Variants in C2CD3 observed in about 807,000 individuals in gnomAD.
C2CD3 encodes the protein C2 domain containing 3 centriole elongation regulator, also known as C2 domain-containing protein 3.
Under a neutral mutation model 234.0 loss-of-function variants are expected in C2CD3, and 148 were observed. That is an observed-to-expected ratio of 0.63 (90% CI 0.55 to 0.72). The LOEUF is 0.72. Among genes scored for constraint, C2CD3 ranks in the 30% least tolerant of loss-of-function variants. The pLI is 0.00. For synonymous variants in C2CD3, 1,000 were observed against 1,035.4 expected, an observed-to-expected ratio of 0.97 and a Z score of 0.66; for missense variants, 2,577 against 2,811.5, an observed-to-expected ratio of 0.92 and a Z score of 1.89.
chr11:74,081,340 G>T (rs1053875329), intron 22 of C2CD3, among the ~76,000 whole-genome samples: 1 of 152,014 alleles, frequency 6.6e-6, no homozygotes, highest in Non-Finnish European at 1.5e-5. Context: ...TATTTTGGGG[G>T]GCATTTATCC....
chr11:74,059,815 A>G (rs532053569), intron 24 of C2CD3, among the ~76,000 whole-genome samples: 2 of 152,122 alleles, frequency 1.3e-5, no homozygotes, highest in East Asian at 3.9e-4. Flanking sequence ...GGAACAGGGC[A>G]GGGCATTGCC....
intron 32 of C2CD3, among the ~76,000 whole-genome samples, chr11:74,021,890 C>G (rs1157319907): frequency 6.6e-6 from 1 of 152,176 alleles, no homozygotes. Flanking sequence ...TTTTGGGAAG[C>G]TGAGGCGGGC....
rs147914041 is a variant in C2CD3 at position 74,060,753 on chromosome 11, C to T, written c.4952-3209G>A. The stretch of plus-strand genomic sequence containing the variant: ...ACACAGCTCTTCGCCAGCAACGGAA[C>T]AAAGTTGGACGGAGAATGACTTTGA... On this transcript the variant is annotated intron_variant, in intron 24 of 32. Transcript: ENST00000334126. Among the ~76,000 whole-genome samples the T allele has an allele frequency of 5.1e-3, 774 of 152,302 alleles. 16 individuals carry two copies. Among genetic ancestry groups the T allele is most frequent in the East Asian group, 0.042 (217 of 5,184 alleles).
At chr11:74,087,422 G>T (rs1466517208) in intron 20 of C2CD3, among the ~76,000 whole-genome samples, 1 of 151,972 alleles carries the variant, frequency 6.6e-6, no homozygotes, top group Non-Finnish European at 1.5e-5. Flanking sequence ...AAACTTAGCC[G>T]GGCGTGGTGG....
chr11:74,153,591 T>C (rs78976255), intron 3 of C2CD3, among the ~76,000 whole-genome samples: 1 of 152,114 alleles, frequency 6.6e-6, no homozygotes, highest in Non-Finnish European at 1.5e-5. Flanking sequence ...ATTGGAAGAC[T>C]CAATATTGCT....
chr11:74,159,183 C>T (rs1182511461), intron 3 of C2CD3, among the ~76,000 whole-genome samples: 1 of 152,164 alleles, frequency 6.6e-6, no homozygotes, highest in Non-Finnish European at 1.5e-5. Flanking sequence ...CAAACCTGCA[C>T]TGCCAGTATA....
chr11:74,134,811 G>A (rs1265956664), intron 5 of C2CD3, among the ~76,000 whole-genome samples: 1 of 152,002 alleles, frequency 6.6e-6, no homozygotes, highest in African/African-American at 2.4e-5. Context: ...CTACAGCCTC[G>A]AACTTCCAGG....
chr11:74,090,244 A>G (rs758462870), intron 20 of C2CD3, among the ~76,000 whole-genome samples: 4 of 152,170 alleles, frequency 2.6e-5, no homozygotes, highest in Non-Finnish European at 5.9e-5. Context: ...AAGATCAAAC[A>G]TAGGCCAGGT....
At chr11:74,139,061 G>C in intron 4 of C2CD3, 94 bp from the exon 5 acceptor site, 1 of 1,120,976 alleles carries the variant, frequency 8.9e-7, no homozygotes, top group Non-Finnish European at 1.3e-6. Context: ...AGTGGTTTTG[G>C]CAAGGTAGTT....
At chr11:74,037,781 C>T in intron 29 of C2CD3, 83 bp from the exon 30 acceptor site, 3 of 1,070,346 alleles carry the variant, frequency 2.8e-6, no homozygotes, top group South Asian at 1.4e-5. Flanking sequence ...GACACTACCG[C>T]TTGAGCCAAA....
At chr11:74,109,204 T>A (rs1201204827) in intron 11 of C2CD3, 52 bp from the exon 12 acceptor site, 1 of 883,058 alleles carries the variant, frequency 1.1e-6, no homozygotes, top group East Asian at 2.9e-5. Context: ...ACTGAAGTCA[T>A]CATCAATTCA....
At chr11:74,019,078 G>A (rs1951984696) in intron 32 of C2CD3, among the ~76,000 whole-genome samples, 2 of 152,064 alleles carry the variant, frequency 1.3e-5, no homozygotes, top group South Asian at 4.2e-4. Context: ...TTTTTAAACA[G>A]GGCCTGGTTC....
intron 13 of C2CD3, 38 bp from the exon 14 acceptor site, chr11:74,103,663 C>T (rs191767888): frequency 6.5e-7 from 1 of 1,545,382 alleles, no homozygotes; most frequent in African/African-American, 1.4e-5. Flanking sequence ...ATAAGAATGT[C>T]CTTTAGAATT....
chr11:74,069,249 G>T (rs1954687498), intron 24 of C2CD3, among the ~76,000 whole-genome samples: 1 of 152,206 alleles, frequency 6.6e-6, no homozygotes, highest in African/African-American at 2.4e-5. Context: ...GCTTGGGAGA[G>T]CAGGTCTATC....
intron 3 of C2CD3, among the ~76,000 whole-genome samples, chr11:74,146,780 C>T (rs911154797): frequency 9.0e-5 from 13 of 144,942 alleles, no homozygotes; most frequent in Admixed American, 3.5e-4. Context: ...CTGCCAGGCG[C>T]GGTGGCTCAC....
chr11:74,075,986 T>G (rs1212918794), intron 23 of C2CD3, among the ~76,000 whole-genome samples: 3 of 152,236 alleles, frequency 2.0e-5, no homozygotes, highest in Non-Finnish European at 4.4e-5. Context: ...ATACTACCTT[T>G]GGTAGCACTC....
chr11:74,084,448 A>G (rs1386547977), intron 22 of C2CD3, among the ~76,000 whole-genome samples: 1 of 151,150 alleles, frequency 6.6e-6, no homozygotes, highest in Non-Finnish European at 1.5e-5. Context: ...AAAAAAAAAG[A>G]AAAAGAAAAA....
At position 74,042,223 on chromosome 11, in the gene C2CD3, CAAAAAAAA is replaced by C; in HGVS notation, c.5496-13_5496-6del. The C allele has an allele frequency of 2.9e-6, 4 of 1,382,560 alleles. No homozygotes were observed. Among genetic ancestry groups the C allele is most frequent in the South Asian group, 1.5e-5 (1 of 66,140 alleles). The allele number at this position is 1,382,560 out of a possible 1,614,324, so 85.6% of individuals were successfully genotyped here. On this transcript the variant is annotated splice_polypyrimidine_tract_variant and splice_region_variant and intron_variant, in intron 28 of 32. Transcript: ENST00000334126. ...TGGCTTCTTGTGGTATCACTTCTGT[CAAAAAAAA>C]AAAAAAAAAAAGTAGGAGCAAAATA...
intron 8 of C2CD3, among the ~76,000 whole-genome samples, chr11:74,121,428 G>A (rs1957210795): frequency 2.0e-5 from 3 of 151,620 alleles, no homozygotes; most frequent in Non-Finnish European, 4.4e-5. Flanking sequence ...CCAACATGGT[G>A]AAGGCCTGTC....
Sources: gnomAD v4.1 joint callset for allele counts (sites outside exome capture counted in the v4.1 genomes callset) on GRCh38, gnomAD v4.1.1 for gene constraint, MANE v1.5 for transcripts, NCBI Gene and HGNC (gene_info 2026-07-23, HGNC 2026-07-21) for gene names.